The following SYNE1 variants were observed in gnomAD, a reference collection of about 807,000 sequenced individuals.
SYNE1 encodes the protein spectrin repeat containing nuclear envelope protein 1.
A neutral mutation model predicts 1,111.0 loss-of-function variants in SYNE1; 616 were observed. The ratio of observed to expected loss-of-function variants is 0.55; its 90% CI spans 0.52 to 0.59. The LOEUF (loss-of-function observed/expected upper bound fraction) is 0.59. Ranked by LOEUF, SYNE1 falls within the 20% of genes least tolerant of loss-of-function variation. The probability of loss-of-function intolerance (pLI) is 0.00; values close to 1 mark genes in which losing one functional copy is unlikely to be tolerated. For missense variants in SYNE1, 10,006 were observed against 10,417.0 expected (o/e 0.96, Z 1.72); for synonymous variants, 3,855 against 3,825.8 (o/e 1.01, Z -0.28).
chr6:152,602,104 G>A (rs2128656014), intron 3 of SYNE1, among the ~76,000 whole-genome samples: 1 of 152,178 alleles, frequency 6.6e-6, no homozygotes. Context: ...CCCTCAGCTT[G>A]AGAAAGACTT....
In SYNE1 at chr6:152,409,085, C is replaced by T. The variant is rs767714653; in HGVS notation, c.6523G>A (p.Val2175Met). The T allele has an allele frequency of 1.5e-5, 24 of 1,614,078 alleles. No individual in the cohort carries two copies. In the South Asian group the frequency reaches 1.6e-4, roughly 11 times the overall value. Reference sequence around the variant, plus strand: ...TATCTTACATCCAGCCATTTGTCCACGGTGCTCTCCATGTCTGTTTTCACC... The same window carrying T: ...TATCTTACATCCAGCCATTTGTCCATGGTGCTCTCCATGTCTGTTTTCACC... ...SLVKTDMESTVDKWLDVSEKL... is the reference protein window; with the variant it reads ...SLVKTDMESTMDKWLDVSEKL... The change falls in exon 44 of 146, where the codon GTG becomes ATG. Residue 2175 changes from valine to methionine, a missense_variant. This residue lies in a region of SYNE1 where 4,955 missense variants were observed against 5,017.2 expected (regional missense o/e 0.99). Transcript: ENST00000367255.
At chr6:152,324,780 G>A (rs947612036) in intron 81 of SYNE1, among the ~76,000 whole-genome samples, 3 of 152,200 alleles carry the variant, frequency 2.0e-5, no homozygotes, top group Non-Finnish European at 4.4e-5. Flanking sequence ...CAGCCTGGGC[G>A]ACAGAGGGAG....
In SYNE1 at chr6:152,330,729, A is replaced by C; in HGVS notation, c.13956T>G (p.Phe4652Leu). 1 of 1,614,100 alleles carries C rather than the reference A, an allele frequency of 6.2e-7. No individual in the cohort carries two copies. ...CTTTAGCCAAGGCAACAATTACATT[A>C]AATTGTCGAGGCAAAGCATTTAGCT... ...SEKLNALPRQ[F>L]NVIVALAKDK... Residue 4652 changes from phenylalanine (F) to leucine (L), a missense_variant, in exon 78 of 146, where the codon TTT (phenylalanine) becomes TTG (leucine). Coordinates refer to ENST00000367255, the MANE Select transcript of SYNE1 (RefSeq NM_182961.4).
Position 152,436,105 on chromosome 6 carries a change from G to GA in SYNE1, c.4150-5dup, listed in dbSNP as rs776033844. The GA allele has an allele frequency of 1.2e-5, 19 of 1,612,786 alleles. No homozygotes were observed. The highest frequency in any genetic ancestry group is 1.2e-4 in the Admixed American group (7 of 59,700). On this transcript the variant is annotated splice_polypyrimidine_tract_variant and splice_region_variant and intron_variant, in intron 32 of 145. Coordinates refer to ENST00000367255, the MANE Select transcript of SYNE1 (RefSeq NM_182961.4). ...TTTCTGTCCGTTTAGAAAACTCCTA[G>GA]AAAAAATATTATGATCATTAGGTAG... is the stretch of plus-strand genomic sequence containing the variant.
chr6:152,363,672 A>G (rs2096991156), intron 63 of SYNE1: 1 of 453,260 alleles, frequency 2.2e-6, no homozygotes, highest in Non-Finnish European at 4.4e-6. Context: ...AGCACAGTCC[A>G]GTTGGACTTC....
At chr6:152,337,273 T>C (rs1031232406) in intron 75 of SYNE1, among the ~76,000 whole-genome samples, 5 of 150,008 alleles carry the variant, frequency 3.3e-5, no homozygotes, top group African/African-American at 1.2e-4. Context: ...TTTTAATCAG[T>C]GTTGTGAAAC....
chr6:152,635,340 A>C (rs985856144), intron 2 of SYNE1, among the ~76,000 whole-genome samples: 4 of 152,238 alleles, frequency 2.6e-5, no homozygotes, highest in Non-Finnish European at 5.9e-5. Context: ...GCTGTTTCTT[A>C]ATCTTCAGCA....
At chr6:152,510,151 C>A (rs1204550238) in intron 8 of SYNE1, 42 bp downstream of exon 8, 1 of 1,590,256 alleles carries the variant, frequency 6.3e-7, no homozygotes. Context: ...ATTCATAACT[C>A]AATTTAACGG....
At chr6:152,525,988 TG>T in intron 5 of SYNE1, 91 bp downstream of exon 5, 1 of 1,158,698 alleles carries the variant, frequency 8.6e-7, no homozygotes, top group Non-Finnish European at 1.3e-6. Flanking sequence ...TTCTTTTACC[TG>T]GGCAGCACAT....
intron 86 of SYNE1, 99 bp from the exon 87 acceptor site, chr6:152,317,085 T>A: frequency 1.5e-6 from 2 of 1,369,800 alleles, no homozygotes; most frequent in Non-Finnish European, 2.1e-6. Context: ...GTCTTAGGGG[T>A]TGATCATTAT....
At chr6:152,377,439 T>C (rs1460863483) in intron 56 of SYNE1, among the ~76,000 whole-genome samples, 1 of 150,540 alleles carries the variant, frequency 6.6e-6, no homozygotes, top group Non-Finnish European at 1.5e-5. Flanking sequence ...GTGAACCCCA[T>C]CTCTACTGAA....
intron 55 of SYNE1, among the ~76,000 whole-genome samples, chr6:152,381,813 A>C (rs115792796): frequency 0.016 from 2,475 of 152,234 alleles, 57 homozygotes; most frequent in African/African-American, 0.056. Context: ...CTTAAATCAC[A>C]CTTCCATTCT....
intron 3 of SYNE1, among the ~76,000 whole-genome samples, chr6:152,550,753 G>T (rs1351240143): frequency 6.6e-6 from 1 of 152,010 alleles, no homozygotes; most frequent in Non-Finnish European, 1.5e-5. Context: ...CAACGTCTTT[G>T]ATTGCAAGGT....
At chr6:152,627,025 C>T (rs1242400632) in intron 3 of SYNE1, among the ~76,000 whole-genome samples, 1 of 152,150 alleles carries the variant, frequency 6.6e-6, no homozygotes, top group Non-Finnish European at 1.5e-5. Context: ...GTTGGAGATA[C>T]TAGAAAACCT....
At chr6:152,155,187 A>G (rs1253185746) in intron 132 of SYNE1, 145 bp from the exon 133 acceptor site, 60 of 906,698 alleles carry the variant, frequency 6.6e-5, no homozygotes, top group Middle Eastern at 2.5e-4. Flanking sequence ...GCCAAATTTG[A>G]CCAGAGAGCA....
intron 3 of SYNE1, among the ~76,000 whole-genome samples, chr6:152,605,010 G>A (rs2475784): frequency 0.012 from 435 of 35,214 alleles, 2 homozygotes; most frequent in African/African-American, 0.019. Flanking sequence ...GAAAGAAAGA[G>A]AGAGAGAGAG....
intron 104 of SYNE1, among the ~76,000 whole-genome samples, chr6:152,252,139 G>A (rs544537801): frequency 2.4e-4 from 37 of 152,230 alleles, no homozygotes; most frequent in Admixed American, 1.0e-3. Context: ...TGGGCATGGC[G>A]TGCATGCCTG....
At position 152,471,585 on chromosome 6, in the gene SYNE1, C is replaced by A. The variant is rs765558597; in HGVS notation, c.1632+12G>T. 1.3e-4 allele frequency: 212 copies of A among 1,613,348 alleles called. No individual in the cohort carries two copies. The highest frequency in any genetic ancestry group is 1.6e-4 in the Middle Eastern group (1 of 6,080). ...CTCATAGGAATTCTCTGTCAAAGCA[C>A]GGGGGACTCACCACGTAGTTTTGTA... On this transcript the variant is annotated intron_variant, in intron 16 of 145. Coordinates refer to ENST00000367255, the MANE Select transcript of SYNE1 (RefSeq NM_182961.4).
intron 121 of SYNE1, among the ~76,000 whole-genome samples, chr6:152,215,741 G>T (rs891652736): frequency 6.6e-6 from 1 of 152,166 alleles, no homozygotes; most frequent in African/African-American, 2.4e-5. Flanking sequence ...GATCACATAA[G>T]ATAAGTCATG....
Sources: allele counts gnomAD v4.1 joint callset (sites outside exome capture counted in the v4.1 genomes callset), GRCh38; gene constraint gnomAD v4.1.1; regional missense constraint gnomAD v4.1.1; transcripts MANE v1.5; gene names NCBI Gene and HGNC (gene_info 2026-07-23, HGNC 2026-07-21).